Variants in NUP153 observed in about 807,000 individuals in gnomAD.
NUP153 encodes nuclear pore complex protein Nup153.
NUP153 carries 27 observed loss-of-function variants against 134.6 expected under a neutral mutation model. The ratio of observed to expected loss-of-function variants is 0.20; its 90% CI spans 0.15 to 0.28. NUP153 has a LOEUF of 0.28. NUP153 is among the 10% of genes least tolerant of loss of function. NUP153 has a pLI of 1.00. For missense variants in NUP153, 1,821 were observed against 1,731.3 expected (o/e 1.05, Z -0.92); for synonymous variants, 640 against 623.5 (o/e 1.03, Z -0.40).
chr6:17,662,885 T>C (rs1767278412), intron 9 of NUP153, among the ~76,000 whole-genome samples: 1 of 152,172 alleles, frequency 6.6e-6, no homozygotes, highest in African/African-American at 2.4e-5. Context: ...AACTGGCTTC[T>C]ATACTTCAAA....
intron 1 of NUP153, among the ~76,000 whole-genome samples, chr6:17,696,783 TAA>T (rs1769674788): frequency 6.7e-6 from 1 of 149,420 alleles, no homozygotes; most frequent in South Asian, 2.1e-4. Context: ...AATAAAATCT[TAA>T]AAAACAGCCA....
chr6:17,673,574 C>T (rs1042617934), intron 5 of NUP153, among the ~76,000 whole-genome samples: 2 of 152,102 alleles, frequency 1.3e-5, no homozygotes, highest in Admixed American at 6.5e-5. Context: ...AGGCTGATAG[C>T]AAATAAGCAC....
chr6:17,670,801 C>G (rs1396344316), intron 5 of NUP153, among the ~76,000 whole-genome samples: 1 of 151,724 alleles, frequency 6.6e-6, no homozygotes, highest in East Asian at 1.9e-4. Flanking sequence ...TGGTAAATCC[C>G]ATTAATTTTT....
At chr6:17,633,277 TA>T (rs1267629497) in intron 16 of NUP153, among the ~76,000 whole-genome samples, 1 of 152,138 alleles carries the variant, frequency 6.6e-6, no homozygotes, top group Non-Finnish European at 1.5e-5. Flanking sequence ...TCCTAACATA[TA>T]AAATACACAG....
rs1163229753 is a variant in NUP153, at chr6:17,675,078, G to A, written c.724-45C>T. ...TAAATTATAAGCCATATGAACCCAG[G>A]AGGTGGAGGTTGCAGTGAGTTAAGA... On this transcript the variant is annotated intron_variant, in intron 4 of 21. Coordinates refer to ENST00000262077, the MANE Select transcript of NUP153 (RefSeq NM_005124.4). The surrounding 1 kb of genome is among the most constrained non-coding windows in gnomAD (Gnocchi z 4.4). 14 of 1,606,062 alleles carry A rather than the reference G, an allele frequency of 8.7e-6. 1 individual carries two copies. The Admixed American group carries it at 2.4e-4, about 27-fold the overall frequency.
chr6:17,661,380 G>C (rs368362120), intron 11 of NUP153, among the ~76,000 whole-genome samples: 1 of 152,176 alleles, frequency 6.6e-6, no homozygotes, highest in African/African-American at 2.4e-5. Context: ...TTTACAAACA[G>C]ACAAAACTAT....
Position 17,688,543 on chromosome 6 carries a change from C to T in NUP153, c.187G>A (p.Glu63Lys). Reference sequence around the variant, plus strand: ...TCTGTTGAACAGCTGCATACATCTTCATTCTTGTTGAAGTATCTTTGTAGC... The same window carrying T: ...TCTGTTGAACAGCTGCATACATCTTTATTCTTGTTGAAGTATCTTTGTAGC... ...GWLQRYFNKNEDVCSCSTDTS... is the reference protein window; with the variant it reads ...GWLQRYFNKNKDVCSCSTDTS... Residue 63 changes from glutamate (E) to lysine (K), a missense_variant, in exon 2 of 22, where the codon GAA becomes AAA. Transcript: ENST00000262077. The T allele has an allele frequency of 6.2e-7, 1 of 1,614,132 alleles. No individual in the cohort carries two copies. Among genetic ancestry groups the T allele is most frequent in the Non-Finnish European group, 8.5e-7 (1 of 1,180,008 alleles).
intron 1 of NUP153, among the ~76,000 whole-genome samples, chr6:17,691,302 C>T (rs1769260010): frequency 6.6e-6 from 1 of 152,224 alleles, no homozygotes; most frequent in Non-Finnish European, 1.5e-5. Flanking sequence ...CACCAATTCA[C>T]TGTTCCCTTT....
At chr6:17,674,598 G>A (rs777777668) in intron 5 of NUP153, among the ~76,000 whole-genome samples, 2 of 151,862 alleles carry the variant, frequency 1.3e-5, no homozygotes, top group East Asian at 1.9e-4. Flanking sequence ...AGTGAAACCC[G>A]TCTCTACTAA....
In NUP153 at chr6:17,706,374, G is replaced by A. The variant is rs1770502758; in HGVS notation, c.14C>T (p.Ala5Val). 2.5e-6 allele frequency: 4 copies of A among 1,611,912 alleles called. No individual in the cohort carries two copies. The highest frequency in any genetic ancestry group is 1.1e-5 in the South Asian group (1 of 91,072). MASGAGGVGGGGGGK... is the reference protein window; with the variant it reads MASGVGGVGGGGGGK... Reference sequence around the variant, plus strand: ...GCCACCGCCCCCTCCGACTCCTCCGGCTCCCGAGGCCATGGCGGAGCCTCC... The same window carrying A: ...GCCACCGCCCCCTCCGACTCCTCCGACTCCCGAGGCCATGGCGGAGCCTCC... Residue 5 changes from alanine (A) to valine (V), a missense_variant, in exon 1 of 22, where the codon GCC becomes GTC. Coordinates refer to ENST00000262077, the MANE Select transcript of NUP153 (RefSeq NM_005124.4). The surrounding 1 kb of genome is among the most constrained non-coding windows in gnomAD (Gnocchi z 5.9).
chr6:17,635,669 G>A (rs906675538), intron 16 of NUP153, among the ~76,000 whole-genome samples: 1 of 152,240 alleles, frequency 6.6e-6, no homozygotes, highest in Admixed American at 6.5e-5. Flanking sequence ...CCAGTGCTGG[G>A]ATTACAGGCG....
intron 14 of NUP153, among the ~76,000 whole-genome samples, chr6:17,643,921 A>C (rs542683807): frequency 2.7e-4 from 41 of 152,364 alleles, no homozygotes; most frequent in South Asian, 1.4e-3. Context: ...ATAAGTCATG[A>C]AATTGGTAAT....
chr6:17,681,268 C>T (rs1343742789), intron 2 of NUP153, among the ~76,000 whole-genome samples: 1 of 151,468 alleles, frequency 6.6e-6, no homozygotes, highest in Non-Finnish European at 1.5e-5. Context: ...TGACGAATAC[C>T]AGTGGGCAAC....
intron 16 of NUP153, 81 bp from the exon 17 acceptor site, chr6:17,632,925 A>G (rs1175426287): frequency 5.9e-6 from 6 of 1,025,478 alleles, no homozygotes; most frequent in African/African-American, 1.6e-5. Flanking sequence ...TCTTAATGGC[A>G]CTGCTAAGTT....
At chr6:17,659,308 G>A (rs1286102525) in intron 11 of NUP153, among the ~76,000 whole-genome samples, 1 of 152,110 alleles carries the variant, frequency 6.6e-6, no homozygotes, top group East Asian at 1.9e-4. Context: ...ATTTCTCGTT[G>A]GCAAAAATGT....
intron 16 of NUP153, among the ~76,000 whole-genome samples, chr6:17,635,305 T>A (rs1765493526): frequency 6.6e-6 from 1 of 151,862 alleles, no homozygotes; most frequent in Admixed American, 6.6e-5. Flanking sequence ...GAGACAGGGG[T>A]TCACTGTGTT....
chr6:17,664,249 G>C (rs770704780), intron 9 of NUP153, among the ~76,000 whole-genome samples: 10 of 152,094 alleles, frequency 6.6e-5, no homozygotes, highest in Non-Finnish European at 1.3e-4. Context: ...TAATACAAAT[G>C]TTCTAAAATT....
rs1390708998 is a variant in NUP153, at chr6:17,688,515, G to A, written c.215C>T (p.Thr72Ile). 4 of 1,613,994 alleles carry A rather than the reference G, an allele frequency of 2.5e-6. No homozygotes were observed. The highest frequency in any genetic ancestry group is 3.3e-5 in the Admixed American group (2 of 59,990). Residue 72 changes from threonine to isoleucine, a missense_variant, in exon 2 of 22, where the codon ACA (threonine) becomes ATA (isoleucine). Transcript: ENST00000262077. ...NEDVCSCSTD[T>I]SEVPRWPENK... ...TTCTGGCCAGCGTGGAACCTCGCTT[G>A]TGTCTGTTGAACAGCTGCATACATC... is the stretch of plus-strand genomic sequence containing the variant.
intron 11 of NUP153, among the ~76,000 whole-genome samples, chr6:17,655,458 CTT>C (rs112496979): frequency 1.4e-5 from 2 of 147,142 alleles, no homozygotes; most frequent in African/African-American, 2.5e-5. Flanking sequence ...CTTATTATTA[CTT>C]TTTTTTTTTT....
Sources: gnomAD v4.1 joint callset for allele counts (sites outside exome capture counted in the v4.1 genomes callset) on GRCh38, gnomAD v4.1.1 for gene constraint, Gnocchi (gnomAD v3.1) non-coding constraint, MANE v1.5 for transcripts, NCBI Gene and HGNC (gene_info 2026-07-23, HGNC 2026-07-21) for gene names.